ZBTB40: variants seen among roughly 807,000 people sequenced by gnomAD.
The protein encoded by ZBTB40 is zinc finger and BTB domain containing 40.
Under a neutral mutation model 117.5 loss-of-function variants are expected in ZBTB40, and 60 were observed. The observed-to-expected ratio is 0.51, with a 90% CI of 0.41 to 0.63. The LOEUF (loss-of-function observed/expected upper bound fraction) is 0.63, where lower values mean the gene tolerates loss of function less well. ZBTB40 is among the 30% of genes least tolerant of loss of function. The pLI is 0.00. For synonymous variants in ZBTB40, 525 were observed against 577.1 expected (o/e 0.91, Z 1.29); for missense variants, 1,287 against 1,498.5 (o/e 0.86, Z 2.33).
intron 3 of ZBTB40, among the ~76,000 whole-genome samples, chr1:22,498,386 C>T (rs1027590353): frequency 2.6e-5 from 4 of 152,188 alleles, no homozygotes; most frequent in African/African-American, 7.2e-5. Flanking sequence ...GGCCTGCTTG[C>T]TTTTTCCACT....
intron 1 of ZBTB40, among the ~76,000 whole-genome samples, chr1:22,429,672 G>A (rs938757433): frequency 1.3e-5 from 2 of 152,136 alleles, no homozygotes; most frequent in Admixed American, 6.5e-5. Context: ...ATATTCATGG[G>A]AAATCTACAT....
chr1:22,491,546 G>C lies in ZBTB40; in HGVS notation c.831+13G>C. On this transcript the variant is annotated intron_variant, in intron 3 of 17. Coordinates refer to ENST00000375647, the MANE Select transcript of ZBTB40 (RefSeq NM_014870.4). Reference sequence around the variant, plus strand: ...TCCACAGAAGGAGGTAGGCACCTCTGACTTTTGTACTTGTTTGCTAGTTTA... The same window carrying C: ...TCCACAGAAGGAGGTAGGCACCTCTCACTTTTGTACTTGTTTGCTAGTTTA... The C allele has an allele frequency of 6.2e-7, 1 of 1,613,336 alleles. No individual in the cohort carries two copies. The highest frequency in any genetic ancestry group is 8.5e-7 in the Non-Finnish European group (1 of 1,179,608).
upstream of ZBTB40, among the ~76,000 whole-genome samples, chr1:22,451,022 G>T (rs1452122084): frequency 6.6e-6 from 1 of 152,208 alleles, no homozygotes. Flanking sequence ...GTGTAAGGAA[G>T]GGTGGCAAGG....
Position 22,490,187 on chromosome 1 carries a change from C to T in ZBTB40, c.239C>T (p.Thr80Met), listed in dbSNP as rs779207914. 22 of 1,614,144 alleles carry T rather than the reference C, an allele frequency of 1.4e-5. No individual in the cohort carries two copies. The highest frequency in any genetic ancestry group is 3.3e-4 in the Middle Eastern group (2 of 6,062). ...GCGCTCTTGTTGGAAATGATGTACA[C>T]GGGCAAACTACCTGTGGGCAAGCAC... ...EFALLLEMMY[T>M]GKLPVGKHNF... The change falls in exon 2 of 18, where the codon ACG (threonine) becomes ATG (methionine). Residue 80 changes from threonine to methionine, a missense_variant. Thr to Met is a moderately conservative substitution (Grantham distance 81). This residue lies in a region of ZBTB40 where 870 missense variants were observed against 934.4 expected (regional missense o/e 0.93). Transcript: ENST00000375647.
rs1325570307 is a variant in ZBTB40, at chr1:22,511,213, A to C, written c.1868A>C (p.Glu623Ala). Residue 623 changes from glutamate (E) to alanine (A), a missense_variant, in exon 10 of 18, where the codon GAA (glutamate) becomes GCA (alanine). Coordinates refer to ENST00000375647, the MANE Select transcript of ZBTB40 (RefSeq NM_014870.4). ...ATTCCCTCTGAGACAGCCAGCCCTG[A>C]AGCTTCCCTGAGAGCAGTGCTGAGC... is the stretch of plus-strand genomic sequence containing the variant. ...LSIPSETASP[E>A]ASLRAVLSRA... The C allele has an allele frequency of 6.2e-7, 1 of 1,613,812 alleles. No homozygotes were observed. Among genetic ancestry groups the C allele is most frequent in the Admixed American group, 1.7e-5 (1 of 59,996 alleles).
intron 1 of ZBTB40, among the ~76,000 whole-genome samples, chr1:22,489,329 C>T (rs1638558910): frequency 6.6e-6 from 1 of 152,128 alleles, no homozygotes. Flanking sequence ...ACCAAGGAGA[C>T]TGGGAAGGCA....
intron 1 of ZBTB40, among the ~76,000 whole-genome samples, chr1:22,435,648 G>T (rs1414807707): frequency 7.2e-5 from 11 of 152,008 alleles, no homozygotes; most frequent in African/African-American, 2.7e-4. Context: ...ATGCACCAGG[G>T]TTTCCCAATG....
intron 1 of ZBTB40, among the ~76,000 whole-genome samples, chr1:22,476,487 T>C (rs1294121375): frequency 6.6e-6 from 1 of 152,242 alleles, no homozygotes; most frequent in Non-Finnish European, 1.5e-5. Flanking sequence ...CCCAAAGTGC[T>C]GGGATTACAG....
chr1:22,476,374 A>C (rs1462477709), intron 1 of ZBTB40, among the ~76,000 whole-genome samples: 1 of 152,048 alleles, frequency 6.6e-6, no homozygotes, highest in African/African-American at 2.4e-5. Flanking sequence ...ACATGCCACT[A>C]CACCTGGCTA....
chr1:22,453,307 A>G (rs1340366463), intron 1 of ZBTB40, among the ~76,000 whole-genome samples: 1 of 152,242 alleles, frequency 6.6e-6, no homozygotes, highest in African/African-American at 2.4e-5. Flanking sequence ...TAGTGGTTTA[A>G]CAAATGGTTT....
intron 3 of ZBTB40, among the ~76,000 whole-genome samples, chr1:22,495,547 T>C (rs1240053019): frequency 1.3e-5 from 2 of 152,178 alleles, no homozygotes; most frequent in Non-Finnish European, 2.9e-5. Flanking sequence ...AATCTTGCTC[T>C]GTTGCCCAGG....
chr1:22,455,674 A>G (rs1257629524), intron 1 of ZBTB40, among the ~76,000 whole-genome samples: 1 of 152,168 alleles, frequency 6.6e-6, no homozygotes, highest in Non-Finnish European at 1.5e-5. Flanking sequence ...CTAGCTTTGA[A>G]GGATAGTATG....
At chr1:22,467,013 G>A (rs1641272169) in intron 1 of ZBTB40, among the ~76,000 whole-genome samples, 1 of 151,996 alleles carries the variant, frequency 6.6e-6, no homozygotes, top group Non-Finnish European at 1.5e-5. Context: ...TAATATGGCT[G>A]TATGCCATAT....
chr1:22,483,752 C>T (rs1638391648), intron 1 of ZBTB40, among the ~76,000 whole-genome samples: 1 of 152,006 alleles, frequency 6.6e-6, no homozygotes. Context: ...ATTCTTTTGA[C>T]ATTGTCTTTC....
chr1:22,446,339 A>C (rs948647314), intron 1 of ZBTB40, among the ~76,000 whole-genome samples: 2 of 152,164 alleles, frequency 1.3e-5, no homozygotes, highest in Non-Finnish European at 2.9e-5. Context: ...AGAAAGAAAG[A>C]GAATACATAT....
rs1039408323 is a variant in ZBTB40, at chr1:22,490,185, C to G, written c.237C>G (p.Tyr79Ter). Reference sequence around the variant, plus strand: ...TTGCGCTCTTGTTGGAAATGATGTACACGGGCAAACTACCTGTGGGCAAGC... The same window carrying G: ...TTGCGCTCTTGTTGGAAATGATGTAGACGGGCAAACTACCTGTGGGCAAGC... ...EEFALLLEMM[Y>*]TGKLPVGKHN... Residue 79 changes from tyrosine to a stop codon, truncating the protein, a stop_gained, in exon 2 of 18, where the codon TAC becomes TAG. Transcript: ENST00000375647. LOFTEE classifies it high-confidence loss of function. 1 of 1,614,162 alleles carries G rather than the reference C, an allele frequency of 6.2e-7. No homozygotes were observed. Among genetic ancestry groups the G allele is most frequent in the Non-Finnish European group, 8.5e-7 (1 of 1,180,014 alleles).
At chr1:22,486,634 C>T (rs769979603) in intron 1 of ZBTB40, among the ~76,000 whole-genome samples, 82 of 152,334 alleles carry the variant, frequency 5.4e-4, no homozygotes, top group Non-Finnish European at 9.8e-4. Context: ...GAGTTGTGCA[C>T]ACTGAGCCTC....
exon 1 of ZBTB40, among the ~76,000 whole-genome samples, chr1:22,428,909 C>T (rs1050380753): frequency 6.6e-6 from 1 of 152,184 alleles, no homozygotes; most frequent in Non-Finnish European, 1.5e-5. Flanking sequence ...TCCTTTCTTT[C>T]TTCTTTCCAG....
At chr1:22,465,963 C>G (rs924320683) in intron 1 of ZBTB40, among the ~76,000 whole-genome samples, 1 of 152,224 alleles carries the variant, frequency 6.6e-6, no homozygotes, top group Non-Finnish European at 1.5e-5. Flanking sequence ...ACCATCACCA[C>G]TTTCCAATTC....
Sources: gnomAD v4.1 joint callset for allele counts (sites outside exome capture counted in the v4.1 genomes callset) on GRCh38, gnomAD v4.1.1 for gene constraint, gnomAD v4.1.1 regional missense constraint, MANE v1.5 for transcripts, NCBI Gene and HGNC (gene_info 2026-07-23, HGNC 2026-07-21) for gene names.